Variants in CCND3 observed in about 807,000 individuals in gnomAD.
CCND3 encodes cyclin D3, also known as G1/S-specific cyclin-D3.
Under a neutral mutation model 28.7 loss-of-function variants are expected in CCND3, and 9 were observed. The observed-to-expected ratio is 0.31, with a 90% CI of 0.19 to 0.55. The LOEUF is 0.55. Among genes scored for constraint, CCND3 ranks in the 20% least tolerant of loss-of-function variants. The probability of loss-of-function intolerance (pLI) is 0.93; values close to 1 mark genes in which losing one functional copy is unlikely to be tolerated. For synonymous variants in CCND3, 164 were observed against 163.9 expected, an observed-to-expected ratio of 1.00 and a Z score of 0.00; for missense variants, 315 against 385.8, an observed-to-expected ratio of 0.82 and a Z score of 1.54.
chr6:41,939,456 C>CCCCCG lies in CCND3; in HGVS notation c.414+909_414+913dup, dbSNP rs1159720614. Among the ~76,000 whole-genome samples the CCCCCG allele has an allele frequency of 6.6e-6, 1 of 152,162 alleles. No individual in the cohort carries two copies. Among genetic ancestry groups the CCCCCG allele is most frequent in the Admixed American group, 6.6e-5 (1 of 15,266 alleles). ...ATAACCTCTTCCAGATCCAGCAGCT[C>CCCCCG]CCCCGCCTCCTCCCCAGGCTCCTTC... On this transcript the variant is annotated intron_variant, in intron 2 of 4. Coordinates refer to ENST00000372991, the MANE Select transcript of CCND3 (RefSeq NM_001760.5). This position sits in a 1 kb window ranked among gnomAD's most constrained non-coding sequence, Gnocchi z 4.2.
upstream of CCND3, among the ~76,000 whole-genome samples, chr6:41,942,598 T>C (rs3218084): frequency 0.016 from 2,504 of 152,310 alleles, 52 homozygotes; most frequent in African/African-American, 0.049. Context: ...CCTTAGTTTC[T>C]GTTTGGAGAA....
intron 1 of CCND3, among the ~76,000 whole-genome samples, chr6:42,028,657 G>A (rs1763953367): frequency 6.6e-6 from 1 of 152,248 alleles, no homozygotes; most frequent in Admixed American, 6.5e-5. Flanking sequence ...TCCAAAGACA[G>A]ATGAGCTGGG....
intron 1 of CCND3, among the ~76,000 whole-genome samples, chr6:42,043,580 C>T (rs1290848385): frequency 1.3e-5 from 2 of 151,896 alleles, no homozygotes; most frequent in Non-Finnish European, 2.9e-5. Context: ...CGCGTGTTGT[C>T]CCAGCTACTC....
chr6:42,028,418 G>A (rs868401788), intron 1 of CCND3, among the ~76,000 whole-genome samples: 9 of 152,252 alleles, frequency 5.9e-5, no homozygotes, highest in Non-Finnish European at 2.9e-5. Context: ...CTCCAGCTCA[G>A]ACAATTCCTG....
At chr6:41,953,551 G>C (rs1269771801) in intron 1 of CCND3, among the ~76,000 whole-genome samples, 2 of 151,994 alleles carry the variant, frequency 1.3e-5, no homozygotes, top group Non-Finnish European at 2.9e-5. Flanking sequence ...AGTAAGAATG[G>C]GGATTCCCAT....
rs567315432 is a variant in CCND3, at chr6:42,001,029, A to G, written c.-46+47472T>C. Among the ~76,000 whole-genome samples the G allele has an allele frequency of 7.2e-5, 11 of 151,762 alleles. No homozygotes were observed. In the South Asian group the frequency reaches 1.5e-3, roughly 20 times the overall value. The stretch of plus-strand genomic sequence containing the variant: ...GGCGGGCAGATCACCTGGGGTCAGA[A>G]GTTCAAGACCAGCCTGGCCAACATG... On this transcript the variant is annotated intron_variant, in intron 1 of 4. Transcript: ENST00000372988.
rs79925024 is a variant in CCND3 at position 42,037,988 on chromosome 6, G to A, written c.-46+10513C>T. Among the ~76,000 whole-genome samples the A allele has an allele frequency of 4.0e-3, 583 of 145,808 alleles. 24 individuals carry two copies. In the East Asian group the frequency reaches 0.11, roughly 28 times the overall value. On this transcript the variant is annotated intron_variant, in intron 1 of 4. Transcript: ENST00000372988. ...GGAGGTTGCAGTGAGCCGAGATTGC[G>A]CCATTGCACTCCACCCTGGGCGACA...
At chr6:41,940,667 G>GGGAT in intron 1 of CCND3, 82 bp from the exon 2 acceptor site, 1 of 992,832 alleles carries the variant, frequency 1.0e-6, no homozygotes, top group Admixed American at 1.8e-5. Flanking sequence ...GAAGTGAGGT[G>GGGAT]GGATAGGGAG....
chr6:42,011,811 G>A (rs553238762), intron 1 of CCND3, among the ~76,000 whole-genome samples: 83 of 152,248 alleles, frequency 5.5e-4, no homozygotes, highest in South Asian at 5.4e-3. Context: ...GGCCACCGAC[G>A]ACAGCGCTCA....
intron 1 of CCND3, among the ~76,000 whole-genome samples, chr6:41,992,908 G>C (rs1299174434): frequency 6.6e-6 from 1 of 151,876 alleles, no homozygotes; most frequent in East Asian, 1.9e-4. Context: ...GCCTGGCCTT[G>C]TTTTTATTTT....
chr6:41,950,468 G>C (rs140063600), intron 1 of CCND3, among the ~76,000 whole-genome samples: 1 of 152,050 alleles, frequency 6.6e-6, no homozygotes, highest in Non-Finnish European at 1.5e-5. Context: ...TAACTTTTCC[G>C]TCCCAGCCTT....
upstream of CCND3, chr6:41,941,993 A>T (rs1308280601): frequency 2.4e-5 from 4 of 163,994 alleles, no homozygotes; most frequent in Non-Finnish European, 5.3e-5. This position sits in a 1 kb window ranked among gnomAD's most constrained non-coding sequence, Gnocchi z 6.1. Flanking sequence ...GGCCCTCTGG[A>T]CCACCGGGTG....
Position 41,940,350 on chromosome 6 carries a change from G to C in CCND3, c.414+20C>G, listed in dbSNP as rs377167826. 4 of 1,583,300 alleles carry C rather than the reference G, an allele frequency of 2.5e-6. No individual in the cohort carries two copies. The highest frequency in any genetic ancestry group is 1.7e-4 in the Middle Eastern group (1 of 6,000). On this transcript the variant is annotated intron_variant, in intron 2 of 4. Coordinates refer to ENST00000372991, the MANE Select transcript of CCND3 (RefSeq NM_001760.5). ...TGGGGAGACAATACGTGTCGGGGGT[G>C]GGGGGAGTTACACACGCACCCGCAA...
chr6:42,010,675 G>A (rs961646593), intron 1 of CCND3, among the ~76,000 whole-genome samples: 2 of 152,098 alleles, frequency 1.3e-5, no homozygotes, highest in East Asian at 1.9e-4. Context: ...GCTCCTCTGC[G>A]GGGTGGAGCA....
At chr6:41,982,378 A>G (rs1441239352) in intron 1 of CCND3, among the ~76,000 whole-genome samples, 1 of 152,224 alleles carries the variant, frequency 6.6e-6, no homozygotes, top group Non-Finnish European at 1.5e-5. Flanking sequence ...CTAAAATGAA[A>G]TAAGTTTAAA....
intron 1 of CCND3, among the ~76,000 whole-genome samples, chr6:42,023,474 T>C (rs1311937430): frequency 1.3e-5 from 2 of 152,188 alleles, no homozygotes; most frequent in Non-Finnish European, 2.9e-5. Flanking sequence ...AAGTTATGTA[T>C]TGATTAGTTG....
chr6:42,011,817 G>A (rs139121020), intron 1 of CCND3, among the ~76,000 whole-genome samples: 2,466 of 152,244 alleles, frequency 0.016, 42 homozygotes, highest in South Asian at 0.037. Flanking sequence ...CGACGACAGC[G>A]CTCACCGGTG....
chr6:41,996,138 A>AT (rs35969401), intron 1 of CCND3, among the ~76,000 whole-genome samples: 9 of 102,432 alleles, frequency 8.8e-5, no homozygotes, highest in African/African-American at 1.8e-4. Flanking sequence ...ATATATATAT[A>AT]TTTTTTTTGT....
chr6:41,994,537 A>C (rs1476026478), intron 1 of CCND3, among the ~76,000 whole-genome samples: 17 of 152,184 alleles, frequency 1.1e-4, no homozygotes, highest in Admixed American at 1.1e-3. Flanking sequence ...ATATTACTAC[A>C]ATGGTGGATA....
Sources: gnomAD v4.1 joint callset for allele counts (sites outside exome capture counted in the v4.1 genomes callset) on GRCh38, gnomAD v4.1.1 for gene constraint, Gnocchi (gnomAD v3.1) non-coding constraint, MANE v1.5 for transcripts, NCBI Gene and HGNC (gene_info 2026-07-23, HGNC 2026-07-21) for gene names.